The following GALNT7 variants were observed in gnomAD, a reference collection of about 807,000 sequenced individuals.
The protein encoded by GALNT7 is N-acetylgalactosaminyltransferase 7.
A neutral mutation model predicts 82.1 loss-of-function variants in GALNT7; 60 were observed. That is an observed-to-expected ratio of 0.73 (90% CI 0.59 to 0.91). The LOEUF is 0.91. Ranked by LOEUF, GALNT7 falls within the 40% of genes least tolerant of loss-of-function variation. The probability of loss-of-function intolerance (pLI) is 0.00; values close to 1 mark genes in which losing one functional copy is unlikely to be tolerated. For missense variants in GALNT7, 660 were observed against 804.2 expected, an observed-to-expected ratio of 0.82 and a Z score of 2.17; for synonymous variants, 243 against 275.1, an observed-to-expected ratio of 0.88 and a Z score of 1.15.
intron 7 of GALNT7, 53 bp from the exon 8 acceptor site, chr4:173,303,943 A>G (rs1737051771): frequency 5.4e-6 from 8 of 1,486,252 alleles, no homozygotes; most frequent in African/African-American, 1.4e-5. Context: ...ATTTTCAGTT[A>G]TGGTTTATGT....
intron 1 of GALNT7, among the ~76,000 whole-genome samples, chr4:173,185,413 CAA>C (rs33996293): frequency 1.4e-5 from 2 of 142,122 alleles, no homozygotes; most frequent in African/African-American, 2.7e-5. Context: ...CAATGAATCT[CAA>C]AAAAAAAAAA....
intron 1 of GALNT7, among the ~76,000 whole-genome samples, chr4:173,184,679 A>C (rs1732412057): frequency 1.3e-5 from 2 of 151,968 alleles, no homozygotes; most frequent in South Asian, 4.2e-4. Flanking sequence ...AAATTGCCTT[A>C]TATATGCAGT....
chr4:173,212,628 CTT>C (rs11414071), intron 1 of GALNT7, among the ~76,000 whole-genome samples: 4,675 of 147,508 alleles, frequency 0.032, 90 homozygotes, highest in Non-Finnish European at 0.049. Flanking sequence ...CTTCAGTTGG[CTT>C]TTTTTTTTTT....
intron 1 of GALNT7, among the ~76,000 whole-genome samples, chr4:173,192,767 A>G (rs927003064): frequency 3.9e-5 from 6 of 152,194 alleles, no homozygotes; most frequent in Non-Finnish European, 7.3e-5. Context: ...TGTAAGACAC[A>G]TGCGTTTCAT....
At position 173,178,328 on chromosome 4, in the gene GALNT7, C is replaced by T. The variant is rs186739207; in HGVS notation, c.126+9367C>T. Among the ~76,000 whole-genome samples, 4 of 152,018 alleles carry T rather than the reference C, an allele frequency of 2.6e-5. No homozygotes were observed. In the East Asian group the frequency reaches 7.8e-4, roughly 29 times the overall value. ...AATAGCAAAACTATGCTATTCTCAG[C>T]GTAGAGAAAATGTATGCTCAGCATT... On this transcript the variant is annotated intron_variant, in intron 1 of 11. Coordinates refer to ENST00000265000, the MANE Select transcript of GALNT7 (RefSeq NM_017423.3).
Position 173,265,175 on chromosome 4 carries a change from G to A in GALNT7, c.587+16735G>A, listed in dbSNP as rs116286819. On this transcript the variant is annotated intron_variant, in intron 2 of 11. Coordinates refer to ENST00000265000, the MANE Select transcript of GALNT7 (RefSeq NM_017423.3). Reference sequence around the variant, plus strand: ...AGGGGACCAGATGGATTAGCTGGAGGACAGTCAGCCATTTTATATTGCCAA... The same window carrying A: ...AGGGGACCAGATGGATTAGCTGGAGAACAGTCAGCCATTTTATATTGCCAA... Among the ~76,000 whole-genome samples, 553 of 152,294 alleles carry A rather than the reference G, an allele frequency of 3.6e-3. 4 individuals are homozygous for A. The highest frequency in any genetic ancestry group is 0.013 in the African/African-American group (531 of 41,558).
chr4:173,218,921 T>C (rs1439853544), intron 1 of GALNT7, among the ~76,000 whole-genome samples: 1 of 152,170 alleles, frequency 6.6e-6, no homozygotes, highest in Admixed American at 6.5e-5. Flanking sequence ...GTCTCTCCCC[T>C]CAAGCAGTCA....
rs1211486263 is a variant in GALNT7 at position 173,295,458 on chromosome 4, C to T, written c.817C>T (p.Arg273Ter). 2.5e-6 allele frequency: 4 copies of T among 1,610,364 alleles called. No homozygotes were observed. Among genetic ancestry groups the T allele is most frequent in the South Asian group, 2.2e-5 (2 of 91,014 alleles). Residue 273 changes from arginine (R) to a stop codon, truncating the protein, a stop_gained, in exon 4 of 12, where the codon CGA becomes TGA. Transcript: ENST00000265000. LOFTEE classifies it high-confidence loss of function. ...GTGGAATGGCCTAGTGAAGGTATTTCGAAATGAAAGAAGGGAAGGTTTAAT... is the reference window on the plus strand; with the variant it reads ...GTGGAATGGCCTAGTGAAGGTATTTTGAAATGAAAGAAGGGAAGGTTTAAT... ...KLWNGLVKVF[R>*]NERREGLIQA...
chr4:173,321,511 GTGA>G (rs1737815207), intron 11 of GALNT7, 66 bp from the exon 12 acceptor site: 1 of 1,081,676 alleles, frequency 9.2e-7, no homozygotes, highest in African/African-American at 1.6e-5. Context: ...TGAAAGTCAA[GTGA>G]TGATTTCTGA....
In GALNT7 at chr4:173,313,954, A is replaced by T; in HGVS notation, c.1390-4A>T. On this transcript the variant is annotated splice_region_variant and splice_polypyrimidine_tract_variant and intron_variant, in intron 8 of 11. Coordinates refer to ENST00000265000, the MANE Select transcript of GALNT7 (RefSeq NM_017423.3). ...ATATATATATATATATTTTTTTTTTACAGAATTATGTTAGAGTTGTGGAGG... is the reference window on the plus strand; with the variant it reads ...ATATATATATATATATTTTTTTTTTTCAGAATTATGTTAGAGTTGTGGAGG... 2.2e-6 allele frequency: 3 copies of T among 1,341,396 alleles called. No individual in the cohort carries two copies. The highest frequency in any genetic ancestry group is 2.1e-6 in the Non-Finnish European group (2 of 963,324). 83.1% of individuals were successfully genotyped at this position (1,341,396 alleles called of 1,614,324 possible).
At chr4:173,251,441 T>A (rs1218338397) in intron 2 of GALNT7, among the ~76,000 whole-genome samples, 1 of 152,250 alleles carries the variant, frequency 6.6e-6, no homozygotes, top group Admixed American at 6.5e-5. Context: ...TTGTCAACAT[T>A]CGAATGTTTT....
chr4:173,312,232 C>T (rs931118255), intron 8 of GALNT7, among the ~76,000 whole-genome samples: 1 of 152,174 alleles, frequency 6.6e-6, no homozygotes, highest in African/African-American at 2.4e-5. Flanking sequence ...CAACAGAACA[C>T]CTGAGGCTGG....
At chr4:173,301,322 G>C (rs1736926350) in intron 6 of GALNT7, among the ~76,000 whole-genome samples, 1 of 152,132 alleles carries the variant, frequency 6.6e-6, no homozygotes, top group Non-Finnish European at 1.5e-5. Context: ...CAGGGAGCAA[G>C]ATAAATTCTG....
chr4:173,262,171 G>T (rs1041799817), intron 2 of GALNT7, among the ~76,000 whole-genome samples: 1 of 152,000 alleles, frequency 6.6e-6, no homozygotes, highest in African/African-American at 2.4e-5. Flanking sequence ...ATTGCAAAAG[G>T]GGGGAGCATT....
At chr4:173,265,990 G>T (rs1204182838) in intron 2 of GALNT7, among the ~76,000 whole-genome samples, 3 of 152,114 alleles carry the variant, frequency 2.0e-5, no homozygotes, top group Non-Finnish European at 2.9e-5. Flanking sequence ...AGGCTCAATG[G>T]CTCATGCCTG....
intron 2 of GALNT7, among the ~76,000 whole-genome samples, chr4:173,249,281 G>A (rs889008030): frequency 6.6e-6 from 1 of 152,118 alleles, no homozygotes; most frequent in African/African-American, 2.4e-5. Flanking sequence ...AATACAGCAG[G>A]TGCTCACACT....
intron 1 of GALNT7, among the ~76,000 whole-genome samples, chr4:173,233,989 C>T (rs560543134): frequency 6.6e-6 from 1 of 152,332 alleles, no homozygotes; most frequent in Admixed American, 6.5e-5. Context: ...CTTCCACTCA[C>T]TCCAGTTGGG....
chr4:173,310,337 TG>T (rs1476665430), intron 8 of GALNT7, among the ~76,000 whole-genome samples: 2 of 152,190 alleles, frequency 1.3e-5, no homozygotes, highest in African/African-American at 4.8e-5. Context: ...CCTTACCAAG[TG>T]CTGGTGATTC....
intron 1 of GALNT7, among the ~76,000 whole-genome samples, chr4:173,182,041 C>T (rs903145190): frequency 6.6e-6 from 1 of 152,180 alleles, no homozygotes; most frequent in Non-Finnish European, 1.5e-5. Context: ...GCTCTGTTAA[C>T]TGGTAACAGT....
Sources: allele counts gnomAD v4.1 joint callset (sites outside exome capture counted in the v4.1 genomes callset), GRCh38; gene constraint gnomAD v4.1.1; transcripts MANE v1.5; gene names NCBI Gene and HGNC (gene_info 2026-07-23, HGNC 2026-07-21).